The following CDK6 variants were observed in gnomAD, a reference collection of about 807,000 sequenced individuals.
CDK6 encodes cyclin dependent kinase 6, also known as cyclin-dependent kinase 6.
In CDK6, 6 loss-of-function variants were observed where a neutral mutation model predicts 37.1. The ratio of observed to expected loss-of-function variants is 0.16; its 90% CI spans 0.09 to 0.32. The LOEUF (loss-of-function observed/expected upper bound fraction) is 0.32, where lower values mean the gene tolerates loss of function less well. Among genes scored for constraint, CDK6 ranks in the 10% least tolerant of loss-of-function variants. The pLI, the probability that CDK6 is intolerant of heterozygous loss-of-function variation, is 1.00. For synonymous variants in CDK6, 160 were observed against 161.3 expected (o/e 0.99, Z 0.06); for missense variants, 224 against 418.9 (o/e 0.53, Z 4.06).
chr7:92,836,404 C>T (rs1229493706), intron 1 of CDK6, 74 bp downstream of exon 1: 1 of 150,402 alleles, frequency 6.6e-6, no homozygotes, highest in Non-Finnish European at 1.5e-5. Flanking sequence ...TGCCTCGGAC[C>T]CCGGCCAATC....
chr7:92,783,775 A>G (rs1800055652), intron 2 of CDK6, among the ~76,000 whole-genome samples: 2 of 152,224 alleles, frequency 1.3e-5, no homozygotes, highest in Admixed American at 1.3e-4. Flanking sequence ...ACACATTCCT[A>G]CCACACGATC....
chr7:92,788,986 C>T (rs894141315), intron 2 of CDK6, among the ~76,000 whole-genome samples: 3 of 151,808 alleles, frequency 2.0e-5, no homozygotes, highest in South Asian at 2.1e-4. Context: ...ATTAACTGGT[C>T]GTGGTGGCAC....
At chr7:92,768,189 A>G (rs1799629831) in intron 3 of CDK6, among the ~76,000 whole-genome samples, 2 of 152,098 alleles carry the variant, frequency 1.3e-5, no homozygotes, top group South Asian at 4.1e-4. Flanking sequence ...GGGAGTTTGT[A>G]GAGGGGTAAA....
At chr7:92,762,162 G>A (rs1043384412) in intron 3 of CDK6, among the ~76,000 whole-genome samples, 1 of 152,056 alleles carries the variant, frequency 6.6e-6, no homozygotes, top group Admixed American at 6.6e-5. Flanking sequence ...CATAATGGGG[G>A]GGACAAGAAT....
At chr7:92,794,278 T>G (rs1335169177) in intron 2 of CDK6, among the ~76,000 whole-genome samples, 1 of 152,150 alleles carries the variant, frequency 6.6e-6, no homozygotes, top group Non-Finnish European at 1.5e-5. Context: ...GGTACCATCA[T>G]CTCTTTCACA....
At chr7:92,677,813 A>G (rs1479051896) in intron 4 of CDK6, among the ~76,000 whole-genome samples, 1 of 152,282 alleles carries the variant, frequency 6.6e-6, no homozygotes, top group South Asian at 2.1e-4. Flanking sequence ...TAATTATCTC[A>G]AATTATGACA....
chr7:92,808,085 A>C (rs1003113380), intron 2 of CDK6, among the ~76,000 whole-genome samples: 1 of 152,174 alleles, frequency 6.6e-6, no homozygotes, highest in African/African-American at 2.4e-5. Flanking sequence ...CTCCCCTGTA[A>C]ATTAAAAAGA....
At chr7:92,749,213 A>C (rs950760875) in intron 3 of CDK6, among the ~76,000 whole-genome samples, 3 of 151,760 alleles carry the variant, frequency 2.0e-5, no homozygotes, top group Non-Finnish European at 4.4e-5. Flanking sequence ...AAAAAAAAAA[A>C]AAAGAAATCC....
intron 3 of CDK6, among the ~76,000 whole-genome samples, chr7:92,764,689 A>G (rs983504187): frequency 6.6e-6 from 1 of 152,232 alleles, no homozygotes; most frequent in Non-Finnish European, 1.5e-5. Context: ...CCAGATTCTC[A>G]TAACTGGCAC....
chr7:92,758,703 T>C (rs1562957193), intron 3 of CDK6, among the ~76,000 whole-genome samples: 1 of 152,216 alleles, frequency 6.6e-6, no homozygotes, highest in Non-Finnish European at 1.5e-5. Context: ...GGAACAGCAT[T>C]GATTCTGTAA....
chr7:92,729,651 C>T (rs1057194409), intron 3 of CDK6, among the ~76,000 whole-genome samples: 3 of 152,184 alleles, frequency 2.0e-5, no homozygotes, highest in Admixed American at 2.0e-4. Flanking sequence ...TGTTCCAGAG[C>T]TCTAATCCTC....
Position 92,835,791 on chromosome 7 carries a change from G to C in CDK6, c.-368+687C>G, listed in dbSNP as rs900264824. ...TATGCACACGGACGGGCGCGCTGCG[G>C]GGACCAGGGCTGCTCACTGCGGGGC... On this transcript the variant is annotated intron_variant, in intron 1 of 7. Transcript: ENST00000424848. The surrounding 1 kb of genome is among the most constrained non-coding windows in gnomAD (Gnocchi z 4.2). 5.9e-5 allele frequency among the ~76,000 whole-genome samples: 9 copies of C among 152,222 alleles called. No individual in the cohort carries two copies. Among genetic ancestry groups the C allele is most frequent in the Non-Finnish European group, 1.2e-4 (8 of 68,032 alleles).
chr7:92,818,294 T>C (rs567769679), intron 2 of CDK6, among the ~76,000 whole-genome samples: 17 of 152,010 alleles, frequency 1.1e-4, no homozygotes, highest in Admixed American at 5.9e-4. Flanking sequence ...CAGGCCCAAA[T>C]GTATATGCTC....
intron 5 of CDK6, 56 bp downstream of exon 5, chr7:92,671,370 A>G (rs909660717): frequency 8.8e-7 from 1 of 1,141,174 alleles, no homozygotes; most frequent in Non-Finnish European, 1.2e-6. Context: ...TCAAATTCAC[A>G]AAGATCCACA....
chr7:92,759,660 A>G (rs1422022333), intron 3 of CDK6, among the ~76,000 whole-genome samples: 1 of 150,856 alleles, frequency 6.6e-6, no homozygotes, highest in East Asian at 1.9e-4. Context: ...TCATACTTTC[A>G]AAAGGCCACA....
chr7:92,765,475 G>A (rs983757421), intron 3 of CDK6, among the ~76,000 whole-genome samples: 5 of 151,896 alleles, frequency 3.3e-5, no homozygotes, highest in Admixed American at 2.6e-4. Flanking sequence ...AACTGAATGC[G>A]CAAGTGCAAA....
intron 2 of CDK6, among the ~76,000 whole-genome samples, chr7:92,814,868 T>C (rs1487784167): frequency 6.6e-6 from 1 of 151,944 alleles, no homozygotes; most frequent in East Asian, 1.9e-4. Context: ...TATTTTTAGG[T>C]ATTTTGTACC....
At chr7:92,683,479 A>T (rs1408611030) in intron 4 of CDK6, among the ~76,000 whole-genome samples, 1 of 152,248 alleles carries the variant, frequency 6.6e-6, no homozygotes, top group African/African-American at 2.4e-5. Flanking sequence ...TCAACATTTT[A>T]AAATTCCATG....
At chr7:92,675,536 T>C (rs1797183586) in intron 4 of CDK6, among the ~76,000 whole-genome samples, 1 of 152,256 alleles carries the variant, frequency 6.6e-6, no homozygotes, top group South Asian at 2.1e-4. Flanking sequence ...ATTCAGGATA[T>C]TGACTTATAT....
Sources: allele counts gnomAD v4.1 joint callset (sites outside exome capture counted in the v4.1 genomes callset), GRCh38; gene constraint gnomAD v4.1.1; non-coding constraint Gnocchi (gnomAD v3.1); transcripts MANE v1.5; gene names NCBI Gene and HGNC (gene_info 2026-07-23, HGNC 2026-07-21).